The following RABL6 variants were observed in gnomAD, a reference collection of about 807,000 sequenced individuals.
RABL6 encodes the protein rab-like protein 6.
A neutral mutation model predicts 72.9 loss-of-function variants in RABL6; 28 were observed. The ratio of observed to expected loss-of-function variants is 0.38; its 90% confidence interval spans 0.28 to 0.53. The LOEUF (loss-of-function observed/expected upper bound fraction) is 0.53, where lower values mean the gene tolerates loss of function less well. RABL6 is among the 20% of genes least tolerant of loss of function. RABL6 has a pLI of 0.80. For missense variants in RABL6, 1,029 were observed against 1,008.4 expected, an observed-to-expected ratio of 1.02 and a Z score of -0.28; for synonymous variants, 477 against 421.2, an observed-to-expected ratio of 1.13 and a Z score of -1.62.
intron 8 of RABL6, 56 bp downstream of exon 8, chr9:136,835,901 G>A (rs1848576453): frequency 2.7e-6 from 4 of 1,475,586 alleles, no homozygotes; most frequent in Admixed American, 2.0e-5. Context: ...CGTGGCCGTG[G>A]TGCAGGGCCA....
chr9:136,822,061 C>T, intron 1 of RABL6: 1 of 1,289,386 alleles, frequency 7.8e-7, no homozygotes, highest in Non-Finnish European at 1.0e-6. Context: ...GAACAGGTGC[C>T]TTGAGGTAGA....
At chr9:136,836,022 C>T in intron 8 of RABL6, 177 bp downstream of exon 8, 1 of 608,194 alleles carries the variant, frequency 1.6e-6, no homozygotes, top group Non-Finnish European at 2.9e-6. Context: ...CCAGCAGCCC[C>T]CCCACAGTCA....
chr9:136,809,709 T>G (rs1588342725), intron 1 of RABL6: 1 of 153,988 alleles, frequency 6.5e-6, no homozygotes, highest in East Asian at 1.9e-4. Context: ...ACAAAGAAGA[T>G]TTTGATGAAG....
Position 136,839,442 on chromosome 9 carries a change from G to C in RABL6, c.1714G>C (p.Asp572His). 6.2e-7 allele frequency: 1 copy of C among 1,612,612 alleles called. No individual in the cohort carries two copies. Among genetic ancestry groups the C allele is most frequent in the Non-Finnish European group, 8.5e-7 (1 of 1,179,736 alleles). Residue 572 changes from aspartate (D) to histidine (H), a missense_variant, in exon 12 of 15, where the codon GAC becomes CAC. Coordinates refer to ENST00000311502, the MANE Select transcript of RABL6 (RefSeq NM_024718.5). ...ACAAATGCTGTCCTTCGTCATGGAT[G>C]ACCCCGACTTTGAGAGCGAGGGATC... ...AAQMLSFVMD[D>H]PDFESEGSDT...
At chr9:136,819,907 T>C (rs1250722744) in intron 1 of RABL6, among the ~76,000 whole-genome samples, 1 of 151,334 alleles carries the variant, frequency 6.6e-6, no homozygotes, top group Non-Finnish European at 1.5e-5. Flanking sequence ...AAGAAAAAAA[T>C]AGTAAAAAAA....
chr9:136,808,176 C>G lies in RABL6; in HGVS notation c.-21C>G, dbSNP rs1372016062. On this transcript the variant is annotated 5_prime_UTR_variant, in exon 1 of 15. Coordinates refer to ENST00000311502, the MANE Select transcript of RABL6 (RefSeq NM_024718.5). Reference sequence around the variant, plus strand: ...GCTGAGCTCGCCGGCCGCGCCCGGGCTGGGACGTCCGAGCGGGAAGATGTT... The same window carrying G: ...GCTGAGCTCGCCGGCCGCGCCCGGGGTGGGACGTCCGAGCGGGAAGATGTT... 6.7e-7 allele frequency: 1 copy of G among 1,496,620 alleles called. No individual in the cohort carries two copies. Among genetic ancestry groups the G allele is most frequent in the Admixed American group, 2.2e-5 (1 of 45,188 alleles). The allele number at this position is 1,496,620 out of a possible 1,614,324, so 92.7% of individuals were successfully genotyped here.
chr9:136,827,522 G>C (rs1209742353), intron 3 of RABL6: 2 of 152,316 alleles, frequency 1.3e-5, no homozygotes, highest in African/African-American at 2.4e-5. Context: ...CGCCCGGGGG[G>C]TGCTGGTTAG....
At position 136,808,324 on chromosome 9, in the gene RABL6, A is replaced by G. The variant is rs1847913964; in HGVS notation, c.128A>G (p.Asn43Ser). 2 of 1,531,106 alleles carry G rather than the reference A, an allele frequency of 1.3e-6. No individual in the cohort carries two copies. Among genetic ancestry groups the G allele is most frequent in the Non-Finnish European group, 1.8e-6 (2 of 1,140,126 alleles). 94.8% of individuals were successfully genotyped at this position (1,531,106 alleles called of 1,614,324 possible). ...QRRFAKGVQY[N>S]MKIVIRGDRN... ...CGCTTCGCCAAGGGGGTGCAGTACA[A>G]CAGTGAGTGCGGCGGGCCGGGGGGG... Residue 43 changes from asparagine to serine, a missense_variant and splice_region_variant, in exon 1 of 15, where the codon AAC (asparagine) becomes AGC (serine). Around this residue, in one of 2 missense-constraint regions of RABL6, gnomAD observed 434 missense variants for 536.1 expected, o/e 0.81. Coordinates refer to ENST00000311502, the MANE Select transcript of RABL6 (RefSeq NM_024718.5).
At position 136,820,982 on chromosome 9, in the gene RABL6, G is replaced by A. The variant is rs369909703; in HGVS notation, c.131-2543G>A. Reference sequence around the variant, plus strand: ...AGAGGCCTGCATGAGCCTTAAGTGCGTATCGCTGAGTGAGAGAAATTATTC... The same window carrying A: ...AGAGGCCTGCATGAGCCTTAAGTGCATATCGCTGAGTGAGAGAAATTATTC... On this transcript the variant is annotated intron_variant, in intron 1 of 14. Transcript: ENST00000311502. Among the ~76,000 whole-genome samples the A allele has an allele frequency of 1.6e-4, 24 of 152,250 alleles. No individual in the cohort carries two copies. The East Asian group carries it at 3.7e-3, about 23-fold the overall frequency.
chr9:136,839,092 C>T lies in RABL6; in HGVS notation c.1464C>T (p.Pro488=). ...AAPTKGPAPA[P]QQCSEPETKW... ...CCACAAAAGGCCCTGCCCCAGCTCC[C>T]CAGCAGTGCTCAGAGCCAGAGACCA... is the stretch of plus-strand genomic sequence containing the variant. The change falls in exon 11 of 15, where the codon CCC becomes CCT. Residue 488 remains proline (P), a synonymous_variant. Transcript: ENST00000311502. The T allele has an allele frequency of 6.2e-7, 1 of 1,612,428 alleles. No individual in the cohort carries two copies. Among genetic ancestry groups the T allele is most frequent in the Non-Finnish European group, 8.5e-7 (1 of 1,179,810 alleles).
At chr9:136,827,990 C>G (rs1189464279) in intron 3 of RABL6, 2 of 157,480 alleles carry the variant, frequency 1.3e-5, no homozygotes, top group East Asian at 3.7e-4. Context: ...CCTCCTCCCT[C>G]CCGAGGCCAT....
chr9:136,823,067 A>G (rs1318980771), intron 1 of RABL6, among the ~76,000 whole-genome samples: 10 of 145,496 alleles, frequency 6.9e-5, no homozygotes, highest in South Asian at 4.5e-4. Flanking sequence ...CGGCCTGGGC[A>G]AAAAAGCGAG....
intron 5 of RABL6, among the ~76,000 whole-genome samples, chr9:136,830,557 G>A (rs933404734): frequency 6.6e-6 from 1 of 152,262 alleles, no homozygotes; most frequent in Non-Finnish European, 1.5e-5. Context: ...GCGAGCAGTG[G>A]TGCTCCTCTC....
intron 1 of RABL6, among the ~76,000 whole-genome samples, chr9:136,810,593 G>T (rs553353092): frequency 1.3e-5 from 2 of 152,242 alleles, no homozygotes; most frequent in African/African-American, 4.8e-5. Context: ...CCAGGCTGGA[G>T]TGCAGTGGCG....
chr9:136,837,109 T>G (rs1248427095), intron 8 of RABL6: 1 of 660,946 alleles, frequency 1.5e-6, no homozygotes, highest in South Asian at 1.6e-5. Context: ...CCTCCTGACC[T>G]CGTGATCTGC....
At chr9:136,820,805 C>T (rs1406509149) in intron 1 of RABL6, among the ~76,000 whole-genome samples, 1 of 152,014 alleles carries the variant, frequency 6.6e-6, no homozygotes, top group Non-Finnish European at 1.5e-5. Context: ...GTTGCAGTAT[C>T]CGAATAATAT....
At position 136,835,855 on chromosome 9, in the gene RABL6, C is replaced by A; in HGVS notation, c.809+10C>A. On this transcript the variant is annotated intron_variant, in intron 8 of 14. Coordinates refer to ENST00000311502, the MANE Select transcript of RABL6 (RefSeq NM_024718.5). The stretch of plus-strand genomic sequence containing the variant: ...ACCAGAACTACGGCATGTATGTGGC[C>A]GGACCCGCCCGTGCGGGCGGTGTGG... The A allele has an allele frequency of 6.5e-7, 1 of 1,549,708 alleles. No individual in the cohort carries two copies. The highest frequency in any genetic ancestry group is 8.7e-7 in the Non-Finnish European group (1 of 1,147,354).
At chr9:136,823,283 G>GC (rs538697734) in intron 1 of RABL6, among the ~76,000 whole-genome samples, 2 of 152,110 alleles carry the variant, frequency 1.3e-5, no homozygotes, top group African/African-American at 4.8e-5. Flanking sequence ...GTAGAAAGCT[G>GC]CCCCCTGGGC....
At chr9:136,821,821 C>T in intron 1 of RABL6, 1 of 1,188,232 alleles carries the variant, frequency 8.4e-7, no homozygotes, top group African/African-American at 1.7e-5. Context: ...GAACGAGGGC[C>T]CAGCCTTCCG....
Sources: gnomAD v4.1 joint callset for allele counts (sites outside exome capture counted in the v4.1 genomes callset) on GRCh38, gnomAD v4.1.1 for gene constraint, gnomAD v4.1.1 regional missense constraint, MANE v1.5 for transcripts, NCBI Gene and HGNC (gene_info 2026-07-23, HGNC 2026-07-21) for gene names.